Variants in NACAD observed in about 807,000 individuals in gnomAD.
NACAD encodes NAC-alpha domain-containing protein 1.
NACAD carries 47 observed loss-of-function variants against 98.9 expected under a neutral mutation model. That is an observed-to-expected ratio of 0.48 (90% confidence interval 0.38 to 0.61). NACAD has a LOEUF of 0.61. Among genes scored for constraint, NACAD ranks in the 20% least tolerant of loss-of-function variants. NACAD has a pLI of 0.00. For synonymous variants in NACAD, 696 were observed against 767.2 expected (o/e 0.91, Z 1.53); for missense variants, 1,412 against 1,748.2 (o/e 0.81, Z 3.43).
chr7:45,084,540 G>A lies in NACAD; in HGVS notation c.1640C>T (p.Pro547Leu). Residue 547 changes from proline to leucine, a missense_variant, in exon 2 of 8, where the codon CCA becomes CTA. By Grantham distance (98) the Pro-to-Leu change is moderately conservative. Around this residue, in one of 5 missense-constraint regions of NACAD, gnomAD observed 638 missense variants for 722.7 expected, o/e 0.88. Coordinates refer to ENST00000490531, the MANE Select transcript of NACAD (RefSeq NM_001146334.2). ...GAGGCTTGTTTCTTCCTGTGGAGTT[G>A]GAAGTTTTTCTGCAGTGACAGACTC... ...GQESVTAEKL[P>L]TPQEETSLTL... is the part of the protein sequence containing the mutation. 6.4e-7 allele frequency: 1 copy of A among 1,552,206 alleles called. No homozygotes were observed. The highest frequency in any genetic ancestry group is 8.7e-7 in the Non-Finnish European group (1 of 1,147,108).
rs1292032157 is a variant in NACAD, at chr7:45,084,660, C to T, written c.1520G>A (p.Gly507Glu). Residue 507 changes from glycine to glutamate, a missense_variant, in exon 2 of 8, where the codon GGG becomes GAG. Gly to Glu is a moderately conservative substitution (Grantham distance 98, BLOSUM62 -2). Around this residue, in one of 5 missense-constraint regions of NACAD, gnomAD observed 638 missense variants for 722.7 expected, o/e 0.88. Transcript: ENST00000490531. ...AGCGGTGGAGTCTGTTTCTTCCTCC[C>T]CAGCCTGTGGGGTCACTCTGGTAGC... is the stretch of plus-strand genomic sequence containing the variant. ...EVATRVTPQA[G>E]EEETDSTAGQ... is the part of the protein sequence containing the mutation. 6.4e-7 allele frequency: 1 copy of T among 1,551,394 alleles called. No individual in the cohort carries two copies. Among genetic ancestry groups the T allele is most frequent in the South Asian group, 1.2e-5 (1 of 84,010 alleles).
At position 45,082,585 on chromosome 7, in the gene NACAD, TGGGTACTTCGTG is replaced by T. The variant is rs1244434776; in HGVS notation, c.3583_3594del (p.His1195_Pro1198del). 1 of 1,542,750 alleles carries T rather than the reference TGGGTACTTCGTG, an allele frequency of 6.5e-7. No individual in the cohort carries two copies. Among genetic ancestry groups the T allele is most frequent in the African/African-American group, 1.4e-5 (1 of 73,030 alleles). ...TGCAGCAAGGGGGTGCCAAGGACAC[TGGGTACTTCGTG>T]GGGTTGCTCAACACTGCCCAGACCC... On this transcript the variant is annotated inframe_deletion, in exon 2 of 8. Transcript: ENST00000490531. This position sits in a 1 kb window ranked among gnomAD's most constrained non-coding sequence, Gnocchi z 4.5.
chr7:45,087,839 G>A (rs1047916762), intron 1 of NACAD, among the ~76,000 whole-genome samples: 1 of 152,220 alleles, frequency 6.6e-6, no homozygotes, highest in African/African-American at 2.4e-5. Flanking sequence ...TCTTGGTTCT[G>A]GCCCCTGGTG....
At chr7:45,087,981 G>A (rs1356667270) in intron 1 of NACAD, among the ~76,000 whole-genome samples, 1 of 152,198 alleles carries the variant, frequency 6.6e-6, no homozygotes, top group Non-Finnish European at 1.5e-5. Context: ...GGGCTGGGAA[G>A]TCTGGGCCTG....
chr7:45,080,551 G>T, intron 7 of NACAD, 28 bp from the exon 8 acceptor site: 1 of 1,551,454 alleles, frequency 6.4e-7, no homozygotes. Flanking sequence ...CATGTTGGGG[G>T]AAGCACCCCG....
chr7:45,083,124 G>C lies in NACAD; in HGVS notation c.3056C>G (p.Ala1019Gly), dbSNP rs61740895. The change falls in exon 2 of 8, where the codon GCG (alanine) becomes GGG (glycine). Residue 1019 changes from alanine to glycine, a missense_variant. By Grantham distance (60) the Ala-to-Gly change is moderately conservative. Coordinates refer to ENST00000490531, the MANE Select transcript of NACAD (RefSeq NM_001146334.2). ...AGTPWAAQED[A>G]DSTLGMEALS... The stretch of plus-strand genomic sequence containing the variant: ...GGCCTCCATGCCCAAAGTGGAATCC[G>C]CATCTTCCTGTGCGGCCCAAGGTGT... 36 of 1,550,682 alleles carry C rather than the reference G, an allele frequency of 2.3e-5. No homozygotes were observed. The highest frequency in any genetic ancestry group is 3.1e-5 in the Non-Finnish European group (35 of 1,146,984).
Position 45,084,955 on chromosome 7 carries a change from G to T in NACAD, c.1225C>A (p.Pro409Thr). 1 of 1,551,070 alleles carries T rather than the reference G, an allele frequency of 6.4e-7. No individual in the cohort carries two copies. Among genetic ancestry groups the T allele is most frequent in the Non-Finnish European group, 8.7e-7 (1 of 1,146,994 alleles). ...ADDERLYSGE[P>T]HAQATLLQDS... ...TGGAGCAAAGTGGCCTGGGCATGGG[G>T]CTCCCCGCTGTACAGCCTCTCATCA... Residue 409 changes from proline to threonine, a missense_variant, in exon 2 of 8, where the codon CCC becomes ACC. Transcript: ENST00000490531.
Position 45,088,065 on chromosome 7 carries a change from G to A in NACAD, c.67+763C>T, listed in dbSNP as rs1019913760. ...AAACCAGGCCCCAGGCCCCAGCAGT[G>A]GTCCCATCTCTGGGTGACTTCTTGC... On this transcript the variant is annotated intron_variant, in intron 1 of 7. Coordinates refer to ENST00000490531, the MANE Select transcript of NACAD (RefSeq NM_001146334.2). The surrounding 1 kb of genome is among the most constrained non-coding windows in gnomAD (Gnocchi z 5.7). 4.6e-5 allele frequency among the ~76,000 whole-genome samples: 7 copies of A among 152,024 alleles called. No individual in the cohort carries two copies. Among genetic ancestry groups the A allele is most frequent in the Admixed American group, 4.6e-4 (7 of 15,270 alleles).
rs1784444346 is a variant in NACAD, at chr7:45,082,380, G to A, written c.3800C>T (p.Ser1267Phe). 6.5e-7 allele frequency: 1 copy of A among 1,549,892 alleles called. No individual in the cohort carries two copies. The highest frequency in any genetic ancestry group is 8.7e-7 in the Non-Finnish European group (1 of 1,146,882). ...TGCCTGGGGCGGTGGGAGGCCCAGA[G>A]AGCCTGGGGGCTCCTCGTCTTCCAC... Reference protein sequence around the residue: ...DSVEDEEPPGSLGLPPPQAGV... With the variant: ...DSVEDEEPPGFLGLPPPQAGV... The change falls in exon 2 of 8, where the codon TCT becomes TTT. Residue 1267 changes from serine (S) to phenylalanine (F), a missense_variant. Physicochemically the swap from Ser to Phe is radical, Grantham distance 155. Around this residue, in one of 5 missense-constraint regions of NACAD, gnomAD observed 572 missense variants for 639.6 expected, o/e 0.89. Coordinates refer to ENST00000490531, the MANE Select transcript of NACAD (RefSeq NM_001146334.2). This position sits in a 1 kb window ranked among gnomAD's most constrained non-coding sequence, Gnocchi z 4.5.
chr7:45,081,697 T>C (rs1478020562), intron 3 of NACAD, 25 bp from the exon 4 acceptor site: 1 of 1,551,184 alleles, frequency 6.4e-7, no homozygotes, highest in East Asian at 2.4e-5. Context: ...GGGCTGAGCA[T>C]CCATGGGTGG....
chr7:45,081,028 A>T lies in NACAD; in HGVS notation c.4405-6T>A, dbSNP rs1224065682. 6.4e-7 allele frequency: 1 copy of T among 1,551,600 alleles called. No individual in the cohort carries two copies. Among genetic ancestry groups the T allele is most frequent in the South Asian group, 1.2e-5 (1 of 84,048 alleles). On this transcript the variant is annotated splice_region_variant and splice_polypyrimidine_tract_variant and intron_variant, in intron 5 of 7. Coordinates refer to ENST00000490531, the MANE Select transcript of NACAD (RefSeq NM_001146334.2). ...TGCTGGGACAGGTCCTCAATCTGCA[A>T]AATGGAAGACAGCTGTGTCAGTAGA...
In NACAD at chr7:45,082,443, G is replaced by T; in HGVS notation, c.3737C>A (p.Pro1246Gln). Reference protein sequence around the residue: ...AGAALPPLEPPAPCLCQDPQE... With the variant: ...AGAALPPLEPQAPCLCQDPQE... ...GGGGTCCTGGCACAGGCAGGGGGCT[G>T]GGGGCTCCAGTGGGGGTAGGGCTGC... The change falls in exon 2 of 8, where the codon CCA (proline) becomes CAA (glutamine). Residue 1246 changes from proline (P) to glutamine (Q), a missense_variant. Physicochemically the swap from Pro to Gln is moderately conservative, Grantham distance 76. Transcript: ENST00000490531. This position sits in a 1 kb window ranked among gnomAD's most constrained non-coding sequence, Gnocchi z 4.5. The T allele has an allele frequency of 6.5e-7, 1 of 1,548,506 alleles. No homozygotes were observed.
intron 1 of NACAD, among the ~76,000 whole-genome samples, chr7:45,086,501 G>A (rs533918017): frequency 1.9e-4 from 29 of 152,246 alleles, no homozygotes; most frequent in African/African-American, 7.0e-4. Flanking sequence ...CTGGTGGTGG[G>A]AATCTGCCAG....
At position 45,084,816 on chromosome 7, in the gene NACAD, C is replaced by T; in HGVS notation, c.1364G>A (p.Gly455Glu). The T allele has an allele frequency of 1.3e-6, 2 of 1,550,896 alleles. No homozygotes were observed. Among genetic ancestry groups the T allele is most frequent in the Non-Finnish European group, 8.7e-7 (1 of 1,146,912 alleles). The change falls in exon 2 of 8, where the codon GGG (glycine) becomes GAG (glutamate). Residue 455 changes from glycine to glutamate, a missense_variant. Gly to Glu is a moderately conservative substitution (Grantham distance 98). Transcript: ENST00000490531. The part of the protein sequence containing the change: ...VEAAPQTSDR[G>E]AYLSQRQELI... Reference sequence around the variant, plus strand: ...TTCCTGTCTCTGGGACAGATAGGCCCCTCTGTCTGAGGTCTGAGGAGCAGC... The same window carrying T: ...TTCCTGTCTCTGGGACAGATAGGCCTCTCTGTCTGAGGTCTGAGGAGCAGC...
intron 1 of NACAD, among the ~76,000 whole-genome samples, chr7:45,087,446 G>A (rs545748365): frequency 4.9e-4 from 75 of 152,348 alleles, no homozygotes; most frequent in African/African-American, 1.8e-3. Context: ...TGCCCAAGGT[G>A]GGGGAGCGGC....
intron 4 of NACAD, 107 bp downstream of exon 4, chr7:45,081,494 C>T: frequency 7.1e-7 from 1 of 1,413,274 alleles, no homozygotes; most frequent in Non-Finnish European, 9.7e-7. Flanking sequence ...CCAAAGGTCC[C>T]CTGATGGATG....
Position 45,085,647 on chromosome 7 carries a change from G to A in NACAD, c.533C>T (p.Ser178Phe). Residue 178 changes from serine to phenylalanine, a missense_variant, in exon 2 of 8, where the codon TCC (serine) becomes TTC (phenylalanine). Around this residue, in one of 5 missense-constraint regions of NACAD, gnomAD observed 638 missense variants for 722.7 expected, o/e 0.88. Coordinates refer to ENST00000490531, the MANE Select transcript of NACAD (RefSeq NM_001146334.2). This position sits in a 1 kb window ranked among gnomAD's most constrained non-coding sequence, Gnocchi z 6.1. ...PDPDSFFTPP[S>F]TPTKTTYALL... ...GGCATAGGTGGTCTTGGTGGGGGTG[G>A]AGGGAGGCGTGAAGAAGGAATCAGG... 6.5e-7 allele frequency: 1 copy of A among 1,548,492 alleles called. No homozygotes were observed. Among genetic ancestry groups the A allele is most frequent in the Non-Finnish European group, 8.7e-7 (1 of 1,145,908 alleles).
In NACAD at chr7:45,082,600, G is replaced by A; in HGVS notation, c.3580C>T (p.Pro1194Ser). 2 of 1,538,252 alleles carry A rather than the reference G, an allele frequency of 1.3e-6. No individual in the cohort carries two copies. Among genetic ancestry groups the A allele is most frequent in the Non-Finnish European group, 1.8e-6 (2 of 1,140,652 alleles). The change falls in exon 2 of 8, where the codon CCC becomes TCC. Residue 1194 changes from proline to serine, a missense_variant. Pro to Ser is a moderately conservative substitution (Grantham distance 74, BLOSUM62 -1). Transcript: ENST00000490531. The surrounding 1 kb of genome is among the most constrained non-coding windows in gnomAD (Gnocchi z 4.5). ...PVLGLGSVEQ[P>S]HEVPSVLGTP... Reference sequence around the variant, plus strand: ...CCAAGGACACTGGGTACTTCGTGGGGTTGCTCAACACTGCCCAGACCCAGT... The same window carrying A: ...CCAAGGACACTGGGTACTTCGTGGGATTGCTCAACACTGCCCAGACCCAGT...
rs1784559719 is a variant in NACAD, at chr7:45,088,740, G to C, written c.67+88C>G. ...CTCGAGGGGGGCCAGGGGGATGGGG[G>C]AGAGGGGTGAAAGGTGAGCGATGGA... On this transcript the variant is annotated intron_variant, in intron 1 of 7. Transcript: ENST00000490531. The surrounding 1 kb of genome is among the most constrained non-coding windows in gnomAD (Gnocchi z 5.7). The C allele has an allele frequency of 1.8e-6, 2 of 1,126,506 alleles. No homozygotes were observed. Among genetic ancestry groups the C allele is most frequent in the Non-Finnish European group, 2.4e-6 (2 of 846,968 alleles). The allele number at this position is 1,126,506 out of a possible 1,614,324, so 69.8% of individuals were successfully genotyped here.
Sources: gnomAD v4.1 joint callset for allele counts (sites outside exome capture counted in the v4.1 genomes callset) on GRCh38, gnomAD v4.1.1 for gene constraint, gnomAD v4.1.1 regional missense constraint, Gnocchi (gnomAD v3.1) non-coding constraint, MANE v1.5 for transcripts, NCBI Gene and HGNC (gene_info 2026-07-23, HGNC 2026-07-21) for gene names.